DPP10: variants seen among roughly 807,000 people sequenced by gnomAD.
The protein encoded by DPP10 is inactive dipeptidyl peptidase 10.
A neutral mutation model predicts 120.9 loss-of-function variants in DPP10; 33 were observed. The ratio of observed to expected loss-of-function variants is 0.27; its 90% CI spans 0.21 to 0.37. The LOEUF (loss-of-function observed/expected upper bound fraction) is 0.37. Among genes scored for constraint, DPP10 ranks in the 10% least tolerant of loss-of-function variants. DPP10 has a pLI of 1.00. For missense variants in DPP10, 816 were observed against 942.8 expected (o/e 0.87, Z 1.76); for synonymous variants, 337 against 326.1 (o/e 1.03, Z -0.36).
At chr2:115,308,524 A>G (rs1383344912) in intron 1 of DPP10, among the ~76,000 whole-genome samples, 5 of 152,050 alleles carry the variant, frequency 3.3e-5, no homozygotes, top group African/African-American at 1.2e-4. Context: ...ACAGGAGAGC[A>G]CAGATCATTG....
At position 115,182,276 on chromosome 2, in the gene DPP10, T is replaced by C. The variant is rs539318028; in HGVS notation, c.61-126963T>C. 8.1e-4 allele frequency among the ~76,000 whole-genome samples: 124 copies of C among 152,294 alleles called. No individual in the cohort carries two copies. In the Middle Eastern group the frequency reaches 0.01, roughly 13 times the overall value. On this transcript the variant is annotated intron_variant, in intron 1 of 25. Coordinates refer to ENST00000410059, the MANE Select transcript of DPP10 (RefSeq NM_020868.6). ...ATGTGTATTTTAAGGAAGGGACAAG[T>C]ACACAGAAGTTGGTTATTATGGCCA...
intron 19 of DPP10, among the ~76,000 whole-genome samples, chr2:115,799,086 T>C (rs1684869515): frequency 6.6e-6 from 1 of 152,094 alleles, no homozygotes. Flanking sequence ...GCTTTTTTAT[T>C]AAGGTTCCAA....
intron 1 of DPP10, among the ~76,000 whole-genome samples, chr2:115,045,184 G>T (rs1394735750): frequency 6.6e-6 from 1 of 152,066 alleles, no homozygotes; most frequent in Non-Finnish European, 1.5e-5. Flanking sequence ...GTTTCCTGAG[G>T]AATATTCTAG....
Position 114,780,026 on chromosome 2 carries a change from C to T in DPP10, c.60+337188C>T, listed in dbSNP as rs527265922. Among the ~76,000 whole-genome samples the T allele has an allele frequency of 4.9e-4, 75 of 151,852 alleles. 1 individual carries two copies. Among genetic ancestry groups the T allele is most frequent in the Middle Eastern group, 3.4e-3 (1 of 290 alleles). ...TGGTGGTCGCCTGTAGTCCCAGCTACTCGGGAGGCTGAGGCAGGAGAATGG... is the reference window on the plus strand; with the variant it reads ...TGGTGGTCGCCTGTAGTCCCAGCTATTCGGGAGGCTGAGGCAGGAGAATGG... On this transcript the variant is annotated intron_variant, in intron 1 of 25. Coordinates refer to ENST00000410059, the MANE Select transcript of DPP10 (RefSeq NM_020868.6).
chr2:115,599,791 G>T (rs1215405643), intron 5 of DPP10, among the ~76,000 whole-genome samples: 1 of 152,138 alleles, frequency 6.6e-6, no homozygotes, highest in Non-Finnish European at 1.5e-5. Flanking sequence ...ATTATTGAAG[G>T]TGTTTATTTT....
chr2:114,512,300 C>A (rs1012616547), intron 1 of DPP10, among the ~76,000 whole-genome samples: 1 of 152,314 alleles, frequency 6.6e-6, no homozygotes, highest in Non-Finnish European at 1.5e-5. Flanking sequence ...CAATTTCCTT[C>A]ACCTTTCACA....
At chr2:115,286,503 T>A (rs59779482) in intron 1 of DPP10, among the ~76,000 whole-genome samples, 2 of 33,452 alleles carry the variant, frequency 6.0e-5, no homozygotes, top group South Asian at 1.2e-3. Flanking sequence ...TATATATATA[T>A]TACATATATA....
chr2:115,147,355 C>A (rs1293809846), intron 1 of DPP10, among the ~76,000 whole-genome samples: 2 of 151,884 alleles, frequency 1.3e-5, no homozygotes, highest in Non-Finnish European at 2.9e-5. Flanking sequence ...TGATCCAAGA[C>A]AAGACATTAT....
chr2:115,360,597 G>A (rs2064701462), intron 3 of DPP10, among the ~76,000 whole-genome samples: 1 of 152,150 alleles, frequency 6.6e-6, no homozygotes. Context: ...GGGAATCAGG[G>A]GATGACTCTC....
intron 5 of DPP10, among the ~76,000 whole-genome samples, chr2:115,542,240 C>G (rs868583313): frequency 5.9e-5 from 9 of 151,958 alleles, no homozygotes; most frequent in Admixed American, 3.3e-4. Context: ...ATACTCACAT[C>G]TCTGGCTACT....
At chr2:114,935,606 C>T (rs1001488136) in intron 1 of DPP10, among the ~76,000 whole-genome samples, 1 of 152,040 alleles carries the variant, frequency 6.6e-6, no homozygotes, top group African/African-American at 2.4e-5. Context: ...TTGGTGGCTG[C>T]CTTTTAAAAA....
intron 1 of DPP10, among the ~76,000 whole-genome samples, chr2:114,992,947 T>G (rs1700835231): frequency 6.6e-6 from 1 of 152,202 alleles, no homozygotes; most frequent in Middle Eastern, 3.2e-3. Flanking sequence ...GGCATGTGAC[T>G]CCTTTCCCTC....
intron 1 of DPP10, among the ~76,000 whole-genome samples, chr2:114,848,587 A>G (rs2106477338): frequency 6.6e-6 from 1 of 152,338 alleles, no homozygotes; most frequent in East Asian, 1.9e-4. Flanking sequence ...ACGACATTGA[A>G]TCACATAGAT....
At chr2:114,641,780 A>T (rs1695725674) in intron 1 of DPP10, among the ~76,000 whole-genome samples, 1 of 152,014 alleles carries the variant, frequency 6.6e-6, no homozygotes, top group Admixed American at 6.5e-5. Flanking sequence ...AAAAATAAAG[A>T]TTAAAGTGGA....
intron 1 of DPP10, among the ~76,000 whole-genome samples, chr2:114,770,379 T>A (rs1259568727): frequency 6.6e-6 from 1 of 152,168 alleles, no homozygotes; most frequent in African/African-American, 2.4e-5. Context: ...TTTTTAGGAA[T>A]TACATTACTT....
intron 19 of DPP10, among the ~76,000 whole-genome samples, chr2:115,813,898 C>G (rs2150032551): frequency 1.3e-5 from 2 of 152,232 alleles, no homozygotes; most frequent in Middle Eastern, 6.8e-3. Flanking sequence ...CAATGGAGAT[C>G]CTTTCAGGGT....
At chr2:114,790,969 CAA>C (rs1227146975) in intron 1 of DPP10, among the ~76,000 whole-genome samples, 1 of 151,198 alleles carries the variant, frequency 6.6e-6, no homozygotes, top group Non-Finnish European at 1.5e-5. Flanking sequence ...AGGCAAAAGA[CAA>C]AAGTGTGACT....
chr2:115,802,982 T>G (rs1025969680), intron 19 of DPP10, among the ~76,000 whole-genome samples: 11 of 152,198 alleles, frequency 7.2e-5, no homozygotes, highest in African/African-American at 2.7e-4. Flanking sequence ...TTTCTGGATA[T>G]CCTTGTTAAC....
At chr2:115,558,559 T>G (rs987006001) in intron 5 of DPP10, among the ~76,000 whole-genome samples, 11 of 152,158 alleles carry the variant, frequency 7.2e-5, no homozygotes, top group Admixed American at 5.2e-4. Context: ...CATCCTGAAC[T>G]GGGTGGTCTC....
Sources: allele counts gnomAD v4.1 joint callset (sites outside exome capture counted in the v4.1 genomes callset), GRCh38; gene constraint gnomAD v4.1.1; transcripts MANE v1.5; gene names NCBI Gene and HGNC (gene_info 2026-07-23, HGNC 2026-07-21).